RANBP2: variants seen among roughly 807,000 people sequenced by gnomAD.
The protein encoded by RANBP2 is RAN binding protein 2, also known as E3 SUMO-protein ligase RanBP2.
In RANBP2, 57 loss-of-function variants were observed where a neutral mutation model predicts 303.6. The ratio of observed to expected loss-of-function variants is 0.19; its 90% confidence interval spans 0.15 to 0.23. The LOEUF is 0.23. Among genes scored for constraint, RANBP2 ranks in the 10% least tolerant of loss-of-function variants. The pLI is 1.00. For missense variants in RANBP2, 3,138 were observed against 3,780.8 expected, an observed-to-expected ratio of 0.83 and a Z score of 4.46; for synonymous variants, 1,167 against 1,301.5, an observed-to-expected ratio of 0.90 and a Z score of 2.23.
chr2:108,991,266 A>G, the RANBP2 span, among the ~76,000 whole-genome samples: 1 of 152,264 alleles, frequency 6.6e-6, no homozygotes, highest in African/African-American at 2.4e-5. Context: ...ATTAAGAGAA[A>G]GAATGAAATG....
At chr2:109,682,824 G>T in the RANBP2 span, among the ~76,000 whole-genome samples, 1 of 152,048 alleles carries the variant, frequency 6.6e-6, no homozygotes, top group South Asian at 2.1e-4. Flanking sequence ...CAGGAAGGAA[G>T]ACTGAAGACT....
chr2:109,582,009 G>A, the RANBP2 span, among the ~76,000 whole-genome samples: 2 of 151,594 alleles, frequency 1.3e-5, no homozygotes, highest in African/African-American at 4.9e-5. Flanking sequence ...AAAATCAGCA[G>A]CATTTCTGTA....
At chr2:108,929,522 C>T in the RANBP2 span, 15 of 854,846 alleles carry the variant, frequency 1.8e-5, no homozygotes, top group Admixed American at 6.0e-5. Context: ...GTTGTCCTAA[C>T]TGCAAAACCC....
Position 108,766,425 on chromosome 2 carries a change from C to T in RANBP2, c.5886C>T (p.Gly1962=). 1 of 1,611,700 alleles carries T rather than the reference C, an allele frequency of 6.2e-7. No individual in the cohort carries two copies. Among genetic ancestry groups the T allele is most frequent in the Non-Finnish European group, 8.5e-7 (1 of 1,179,794 alleles). Residue 1962 remains glycine (G), a synonymous_variant, in exon 20 of 29, where the codon GGC becomes GGT. Transcript: ENST00000283195. ...CTTCAGGAGAAGGATTTCAGTTTGG[C>T]AAAAAAGACCCCAATTTCAAGGGAT... ...KSTSGEGFQF[G]KKDPNFKGFS...
At chr2:109,073,337 G>A in the RANBP2 span, among the ~76,000 whole-genome samples, 2 of 152,100 alleles carry the variant, frequency 1.3e-5, no homozygotes, top group East Asian at 3.8e-4. Context: ...CTCAAGGACT[G>A]GTCATTGGCA....
chr2:109,284,907 G>A, the RANBP2 span, among the ~76,000 whole-genome samples: 242 of 152,330 alleles, frequency 1.6e-3, 3 homozygotes, highest in African/African-American at 1.1e-3. Flanking sequence ...CACTGGGCTC[G>A]TCTGCTTCCC....
the RANBP2 span, among the ~76,000 whole-genome samples, chr2:109,522,621 G>A: frequency 6.9e-6 from 1 of 144,802 alleles, no homozygotes; most frequent in Admixed American, 6.7e-5. Flanking sequence ...TTCCAGGCTG[G>A]TCTCAAACTC....
At chr2:109,557,990 G>T in the RANBP2 span, among the ~76,000 whole-genome samples, 1 of 151,464 alleles carries the variant, frequency 6.6e-6, no homozygotes, top group Admixed American at 6.6e-5. Context: ...ACAGAGTTTT[G>T]CCATGTTACC....
the RANBP2 span, chr2:108,791,924 T>C: frequency 1.0e-6 from 1 of 1,000,014 alleles, no homozygotes; most frequent in East Asian, 2.8e-5. Context: ...GTTCTGAACT[T>C]CTGTAAGCTA....
the RANBP2 span, among the ~76,000 whole-genome samples, chr2:109,078,798 T>C: frequency 1.3e-3 from 183 of 144,860 alleles, no homozygotes; most frequent in Middle Eastern, 7.1e-3. Flanking sequence ...CTGGCTAACA[T>C]GGTGAAACCC....
At chr2:109,545,268 G>A in the RANBP2 span, 7 of 1,395,670 alleles carry the variant, frequency 5.0e-6, no homozygotes, top group African/African-American at 2.9e-5. Flanking sequence ...TAGTTAAACC[G>A]ACAGGGATAC....
the RANBP2 span, among the ~76,000 whole-genome samples, chr2:109,450,231 A>G: frequency 1.3e-5 from 2 of 152,178 alleles, no homozygotes; most frequent in African/African-American, 4.8e-5. Flanking sequence ...CTGTAATCCC[A>G]GCTACCTAGG....
At chr2:108,819,026 G>T in the RANBP2 span, among the ~76,000 whole-genome samples, 1 of 152,132 alleles carries the variant, frequency 6.6e-6, no homozygotes, top group Admixed American at 6.5e-5. Flanking sequence ...TGAGGTGGAA[G>T]GTACTATGTG....
the RANBP2 span, among the ~76,000 whole-genome samples, chr2:109,061,726 A>G: frequency 6.6e-6 from 1 of 152,148 alleles, no homozygotes; most frequent in Admixed American, 6.5e-5. Flanking sequence ...AGAGTGTACA[A>G]TTTTGGACAT....
At chr2:109,737,740 TA>T in the RANBP2 span, among the ~76,000 whole-genome samples, 2 of 152,138 alleles carry the variant, frequency 1.3e-5, no homozygotes, top group African/African-American at 4.8e-5. Context: ...CAGTATTTGT[TA>T]TTTTTTTGTG....
the RANBP2 span, among the ~76,000 whole-genome samples, chr2:109,661,798 CATT>C: frequency 6.6e-6 from 1 of 152,186 alleles, no homozygotes; most frequent in South Asian, 2.1e-4. Context: ...AAGTCTAACT[CATT>C]AATGTCCCCA....
chr2:108,758,518 T>C lies in RANBP2; in HGVS notation c.2572T>C (p.Ser858Pro). The stretch of plus-strand genomic sequence containing the variant: ...CTCAGTGCCTGATGGATATCAGGGG[T>C]CACAGACATTTCATGGGGCTCCACT... The part of the protein sequence containing the change: ...PDSVPDGYQG[S>P]QTFHGAPLTV... The change falls in exon 18 of 29, where the codon TCA becomes CCA. Residue 858 changes from serine to proline, a missense_variant. Ser to Pro is a moderately conservative substitution (Grantham distance 74). This residue lies in a region of RANBP2 where 26 missense variants were observed against 58.0 expected (regional missense o/e 0.45). Coordinates refer to ENST00000283195, the MANE Select transcript of RANBP2 (RefSeq NM_006267.5). 1.2e-6 allele frequency: 2 copies of C among 1,610,656 alleles called. No individual in the cohort carries two copies. Among genetic ancestry groups the C allele is most frequent in the Non-Finnish European group, 1.7e-6 (2 of 1,179,626 alleles).
the RANBP2 span, chr2:109,503,645 A>G: frequency 5.3e-5 from 8 of 152,214 alleles, 1 homozygote; most frequent in African/African-American, 1.9e-4. Context: ...CGTTGTCACC[A>G]AAGAGGTGCA....
At chr2:109,046,510 G>A in the RANBP2 span, among the ~76,000 whole-genome samples, 5 of 149,756 alleles carry the variant, frequency 3.3e-5, no homozygotes, top group South Asian at 2.2e-4. Context: ...AGGTTCAAGC[G>A]ATTCTCCTGC....
Sources: allele counts gnomAD v4.1 joint callset (sites outside exome capture counted in the v4.1 genomes callset), GRCh38; gene constraint gnomAD v4.1.1; regional missense constraint gnomAD v4.1.1; transcripts MANE v1.5; gene names NCBI Gene and HGNC (gene_info 2026-07-23, HGNC 2026-07-21).